TMEM156: variants seen among roughly 807,000 people sequenced by gnomAD.
TMEM156 encodes transmembrane protein 156.
TMEM156 carries 28 observed loss-of-function variants against 30.5 expected under a neutral mutation model. The ratio of observed to expected loss-of-function variants is 0.92; its 90% CI spans 0.68 to 1.26. TMEM156 has a LOEUF of 1.26. Among genes scored for constraint, TMEM156 ranks in the 50% most tolerant of loss-of-function variants. The pLI is 0.00. For synonymous variants in TMEM156, 137 were observed against 119.9 expected (o/e 1.14, Z -0.93); for missense variants, 351 against 340.6 (o/e 1.03, Z -0.24).
At position 38,990,248 on chromosome 4, in the gene TMEM156, G is replaced by A. The variant is rs368690452; in HGVS notation, c.620-1278C>T. On this transcript the variant is annotated intron_variant, in intron 3 of 6. Coordinates refer to ENST00000381938, the MANE Select transcript of TMEM156 (RefSeq NM_024943.3). Reference sequence around the variant, plus strand: ...TCATAACCTGGGTGTCCCCTTTACAGGAACCCAGATGTACACTAAATAGGC... The same window carrying A: ...TCATAACCTGGGTGTCCCCTTTACAAGAACCCAGATGTACACTAAATAGGC... Among the ~76,000 whole-genome samples the A allele has an allele frequency of 7.9e-5, 12 of 152,292 alleles. No homozygotes were observed. In the East Asian group the frequency reaches 1.9e-3, roughly 24 times the overall value.
At chr4:39,022,199 A>T (rs1389666989) in intron 1 of TMEM156, among the ~76,000 whole-genome samples, 1 of 152,222 alleles carries the variant, frequency 6.6e-6, no homozygotes, top group South Asian at 2.1e-4. Flanking sequence ...GATTCTCAAC[A>T]TCCAAGTTAT....
intron 5 of TMEM156, among the ~76,000 whole-genome samples, chr4:38,977,519 T>C (rs931352659): frequency 2.0e-5 from 3 of 152,236 alleles, no homozygotes; most frequent in African/African-American, 4.8e-5. Context: ...AGGTAGGATA[T>C]ATGTCATTTT....
chr4:39,015,401 G>A lies in TMEM156; in HGVS notation c.89-16492C>T, dbSNP rs549754008. On this transcript the variant is annotated intron_variant, in intron 1 of 6. Transcript: ENST00000381938. ...GGAATTGGGTAGCAGAAGAGTCAATGTCAGAGTGATACAATATGAGAAAGA... is the reference window on the plus strand; with the variant it reads ...GGAATTGGGTAGCAGAAGAGTCAATATCAGAGTGATACAATATGAGAAAGA... 3.3e-5 allele frequency among the ~76,000 whole-genome samples: 5 copies of A among 152,328 alleles called. No individual in the cohort carries two copies. In the South Asian group the frequency reaches 1.0e-3, roughly 32 times the overall value.
intron 5 of TMEM156, among the ~76,000 whole-genome samples, chr4:38,980,717 G>C (rs987269683): frequency 6.6e-6 from 1 of 152,156 alleles, no homozygotes; most frequent in Non-Finnish European, 1.5e-5. Flanking sequence ...AAACAACTTC[G>C]TTAGTTAAGC....
intron 1 of TMEM156, among the ~76,000 whole-genome samples, chr4:39,022,923 T>C (rs1714964877): frequency 6.6e-6 from 1 of 152,200 alleles, no homozygotes; most frequent in Non-Finnish European, 1.5e-5. Flanking sequence ...ACTAGAAATA[T>C]TGCTAGTACA....
intron 1 of TMEM156, among the ~76,000 whole-genome samples, chr4:39,020,764 G>A (rs1013636353): frequency 5.3e-5 from 8 of 151,844 alleles, no homozygotes. Context: ...TGGCCAGGAT[G>A]GTCTCGATCT....
intron 1 of TMEM156, among the ~76,000 whole-genome samples, chr4:39,001,108 A>G (rs903802524): frequency 6.6e-6 from 1 of 151,806 alleles, no homozygotes; most frequent in African/African-American, 2.4e-5. Context: ...TTGTTAGCAT[A>G]AGAAAACAAC....
chr4:39,010,342 A>C (rs1714024649), intron 1 of TMEM156, among the ~76,000 whole-genome samples: 1 of 152,184 alleles, frequency 6.6e-6, no homozygotes, highest in South Asian at 2.1e-4. Context: ...CTACAGATTC[A>C]ACGCTATTCT....
intron 5 of TMEM156, among the ~76,000 whole-genome samples, chr4:38,975,207 C>T (rs1560354294): frequency 6.6e-6 from 1 of 152,058 alleles, no homozygotes; most frequent in Non-Finnish European, 1.5e-5. Context: ...TGGCCCACAG[C>T]ACTCATCTCC....
rs1332011366 is a variant in TMEM156, at chr4:38,966,847, G to A, written c.*833C>T. ...GAGACAGAGTCTTGCTCTGCACCAG[G>A]CTGTAATGCAGTGGCGTGATCTTGG... On this transcript the variant is annotated 3_prime_UTR_variant, in exon 7 of 7. Transcript: ENST00000381938. 6 of 144,692 alleles carry A rather than the reference G, an allele frequency of 4.1e-5. No homozygotes were observed. Among genetic ancestry groups the A allele is most frequent in the Non-Finnish European group, 7.4e-5 (5 of 67,332 alleles). The allele number at this position is 144,692 out of a possible 1,614,324, so 9.0% of individuals were successfully genotyped here.
intron 1 of TMEM156, among the ~76,000 whole-genome samples, chr4:39,015,972 C>A (rs1305189180): frequency 6.6e-6 from 1 of 152,140 alleles, no homozygotes; most frequent in Non-Finnish European, 1.5e-5. Context: ...GTCCATTAAA[C>A]CTCTTTTTTG....
intron 1 of TMEM156, among the ~76,000 whole-genome samples, chr4:39,007,872 T>G (rs1237693435): frequency 6.6e-6 from 1 of 152,152 alleles, no homozygotes; most frequent in Non-Finnish European, 1.5e-5. Flanking sequence ...TTAGATTTCC[T>G]CCTAGGCGCC....
intron 1 of TMEM156, among the ~76,000 whole-genome samples, chr4:38,999,716 G>T (rs537711929): frequency 6.6e-6 from 1 of 152,304 alleles, no homozygotes; most frequent in South Asian, 2.1e-4. Flanking sequence ...TTCTAGGGAA[G>T]AATCTGTTCC....
chr4:39,001,214 C>CAA (rs34945666), intron 1 of TMEM156, among the ~76,000 whole-genome samples: 24,189 of 114,794 alleles, frequency 0.21, 2,282 homozygotes, highest in African/African-American at 0.22. Flanking sequence ...ACTAAAAATA[C>CAA]AAAAAAAAAA....
At chr4:39,003,603 G>A (rs1324373573) in intron 1 of TMEM156, among the ~76,000 whole-genome samples, 1 of 151,744 alleles carries the variant, frequency 6.6e-6, no homozygotes, top group African/African-American at 2.4e-5. Context: ...CAAAGTGCTG[G>A]GATCTTAATA....
intron 1 of TMEM156, among the ~76,000 whole-genome samples, chr4:39,012,900 A>G (rs1318526439): frequency 6.6e-6 from 1 of 152,032 alleles, no homozygotes; most frequent in Non-Finnish European, 1.5e-5. Flanking sequence ...AGATCACGCC[A>G]CTGCACTCCA....
At chr4:39,027,551 C>CT (rs71192813) in intron 1 of TMEM156, among the ~76,000 whole-genome samples, 8,791 of 79,102 alleles carry the variant, frequency 0.11, 623 homozygotes, top group Non-Finnish European at 0.14. Context: ...TATACTATTC[C>CT]TTTTTTTTTT....
chr4:39,022,600 C>A (rs748719115), intron 1 of TMEM156, among the ~76,000 whole-genome samples: 1 of 151,892 alleles, frequency 6.6e-6, no homozygotes, highest in Non-Finnish European at 1.5e-5. Context: ...ATATTTTGTC[C>A]CAGGAGTATT....
intron 2 of TMEM156, 134 bp from the exon 3 acceptor site, chr4:38,994,132 T>C: frequency 2.5e-6 from 2 of 798,910 alleles, no homozygotes; most frequent in South Asian, 1.9e-5. Context: ...TAAAAATATA[T>C]ACATATTTTT....
Sources: allele counts gnomAD v4.1 joint callset (sites outside exome capture counted in the v4.1 genomes callset), GRCh38; gene constraint gnomAD v4.1.1; transcripts MANE v1.5; gene names NCBI Gene and HGNC (gene_info 2026-07-23, HGNC 2026-07-21).